Variants in WDR70 observed in about 807,000 individuals in gnomAD.
WDR70 encodes WD repeat-containing protein 70.
A neutral mutation model predicts 88.6 loss-of-function variants in WDR70; 53 were observed. The observed-to-expected ratio is 0.60, with a 90% CI of 0.48 to 0.75. The LOEUF is 0.75. Among genes scored for constraint, WDR70 ranks in the 30% least tolerant of loss-of-function variants. The probability of loss-of-function intolerance (pLI) is 0.00; values close to 1 mark genes in which losing one functional copy is unlikely to be tolerated. For missense variants in WDR70, 610 were observed against 823.2 expected, an observed-to-expected ratio of 0.74 and a Z score of 3.17; for synonymous variants, 280 against 270.0, an observed-to-expected ratio of 1.04 and a Z score of -0.36.
chr5:37,392,343 C>G (rs1748858884), intron 4 of WDR70, among the ~76,000 whole-genome samples: 1 of 151,868 alleles, frequency 6.6e-6, no homozygotes, highest in Non-Finnish European at 1.5e-5. Flanking sequence ...GCTACCACCC[C>G]TGGCTAATTT....
intron 7 of WDR70, among the ~76,000 whole-genome samples, chr5:37,462,690 A>G (rs1581304054): frequency 6.6e-6 from 1 of 152,132 alleles, no homozygotes; most frequent in African/African-American, 2.4e-5. Context: ...TGCATTTGAA[A>G]TAACATTGCA....
At chr5:37,471,914 C>A (rs1739337516) in intron 7 of WDR70, among the ~76,000 whole-genome samples, 1 of 151,816 alleles carries the variant, frequency 6.6e-6, no homozygotes, top group Non-Finnish European at 1.5e-5. Flanking sequence ...ATTGCATGGT[C>A]AAGGACCTCT....
intron 17 of WDR70, among the ~76,000 whole-genome samples, chr5:37,740,932 G>A (rs1229455625): frequency 6.6e-6 from 1 of 152,210 alleles, no homozygotes; most frequent in African/African-American, 2.4e-5. Flanking sequence ...TGCTGATGAG[G>A]TAAATGTAGA....
At chr5:37,693,523 A>G (rs2112643045) in intron 10 of WDR70, among the ~76,000 whole-genome samples, 1 of 152,286 alleles carries the variant, frequency 6.6e-6, no homozygotes, top group African/African-American at 2.4e-5. Context: ...ATATAGACCA[A>G]TGGAACAGAA....
intron 8 of WDR70, among the ~76,000 whole-genome samples, chr5:37,491,510 G>A (rs1372742138): frequency 6.6e-6 from 1 of 152,180 alleles, no homozygotes; most frequent in Non-Finnish European, 1.5e-5. Context: ...TGACTAAGGT[G>A]GAGAAAGCAG....
chr5:37,691,838 C>T (rs1483801628), intron 10 of WDR70, among the ~76,000 whole-genome samples: 1 of 151,926 alleles, frequency 6.6e-6, no homozygotes, highest in Non-Finnish European at 1.5e-5. Context: ...TAGCAGAAGG[C>T]AAGAAATAAC....
Position 37,592,203 on chromosome 5 carries a change from C to T in WDR70, c.918-12861C>T, listed in dbSNP as rs554069820. 1.2e-3 allele frequency among the ~76,000 whole-genome samples: 185 copies of T among 152,136 alleles called. 1 individual carries two copies. Among genetic ancestry groups the T allele is most frequent in the African/African-American group, 3.9e-3 (160 of 41,520 alleles). On this transcript the variant is annotated intron_variant, in intron 9 of 17. Transcript: ENST00000265107. Reference sequence around the variant, plus strand: ...CTGAGTACAAAATTCATTTATGTTTCGTAATACATTATACACATAGCCTGA... The same window carrying T: ...CTGAGTACAAAATTCATTTATGTTTTGTAATACATTATACACATAGCCTGA...
intron 17 of WDR70, among the ~76,000 whole-genome samples, chr5:37,732,516 C>A (rs1275993801): frequency 1.3e-5 from 2 of 152,038 alleles, no homozygotes; most frequent in Non-Finnish European, 2.9e-5. Flanking sequence ...TGCAAAACTT[C>A]AAGAAATTTT....
intron 10 of WDR70, among the ~76,000 whole-genome samples, chr5:37,609,744 C>T (rs553308680): frequency 2.0e-4 from 30 of 152,268 alleles, no homozygotes; most frequent in African/African-American, 4.8e-4. Flanking sequence ...CCAAGAAAGC[C>T]GCAAGATTTC....
At chr5:37,682,170 T>C (rs569774059) in intron 10 of WDR70, among the ~76,000 whole-genome samples, 1 of 152,308 alleles carries the variant, frequency 6.6e-6, no homozygotes, top group East Asian at 1.9e-4. Flanking sequence ...GTTGTATGTG[T>C]CCAGGAATTT....
At chr5:37,639,551 CT>C (rs1376281475) in intron 10 of WDR70, among the ~76,000 whole-genome samples, 1 of 152,016 alleles carries the variant, frequency 6.6e-6, no homozygotes, top group African/African-American at 2.4e-5. Context: ...TTGTTTTGCT[CT>C]TAAGCTCTTT....
intron 10 of WDR70, among the ~76,000 whole-genome samples, chr5:37,642,566 G>A (rs1745132061): frequency 1.3e-5 from 2 of 152,004 alleles, no homozygotes; most frequent in South Asian, 4.1e-4. Flanking sequence ...TTTGGCAAAA[G>A]CTCCAAACTG....
intron 9 of WDR70, among the ~76,000 whole-genome samples, chr5:37,524,274 C>G (rs1036435004): frequency 6.6e-6 from 1 of 152,206 alleles, no homozygotes; most frequent in African/African-American, 2.4e-5. Context: ...AGAATAACAG[C>G]TGATTTCTCG....
chr5:37,676,430 A>C (rs1432095782), intron 10 of WDR70, among the ~76,000 whole-genome samples: 1 of 152,096 alleles, frequency 6.6e-6, no homozygotes, highest in Non-Finnish European at 1.5e-5. Flanking sequence ...ATTTCTTGAG[A>C]GTTTTTAGCA....
chr5:37,668,462 C>T (rs1745927553), intron 10 of WDR70, among the ~76,000 whole-genome samples: 1 of 152,118 alleles, frequency 6.6e-6, no homozygotes, highest in Non-Finnish European at 1.5e-5. Flanking sequence ...TGTTTTTTTG[C>T]ATTCAGATTT....
intron 10 of WDR70, among the ~76,000 whole-genome samples, chr5:37,675,380 G>C (rs914516275): frequency 6.6e-6 from 1 of 152,080 alleles, no homozygotes; most frequent in Non-Finnish European, 1.5e-5. Context: ...TAACGTTTAA[G>C]TCTTTAATCC....
intron 8 of WDR70, among the ~76,000 whole-genome samples, chr5:37,511,833 C>T (rs1427845323): frequency 1.3e-5 from 2 of 152,164 alleles, no homozygotes; most frequent in Non-Finnish European, 2.9e-5. Flanking sequence ...CTTAGTTCTT[C>T]ATTATATTGA....
At chr5:37,529,995 C>T (rs111813498) in intron 9 of WDR70, among the ~76,000 whole-genome samples, 1 of 152,020 alleles carries the variant, frequency 6.6e-6, no homozygotes, top group Non-Finnish European at 1.5e-5. Context: ...AGGTATGTCC[C>T]TTCTATGTCA....
intron 10 of WDR70, among the ~76,000 whole-genome samples, chr5:37,682,134 A>C (rs185046842): frequency 1.3e-5 from 2 of 152,004 alleles, no homozygotes; most frequent in Admixed American, 1.3e-4. Flanking sequence ...TAGGGATTCA[A>C]TTTCTTCCTG....
Sources: gnomAD v4.1 joint callset for allele counts (sites outside exome capture counted in the v4.1 genomes callset) on GRCh38, gnomAD v4.1.1 for gene constraint, MANE v1.5 for transcripts, NCBI Gene and HGNC (gene_info 2026-07-23, HGNC 2026-07-21) for gene names.